The following CD53 variants were observed in gnomAD, a reference collection of about 807,000 sequenced individuals.
The protein encoded by CD53 is leukocyte surface antigen CD53.
In CD53, 20 loss-of-function variants were observed where a neutral mutation model predicts 27.3. That is an observed-to-expected ratio of 0.73 (90% CI 0.52 to 1.07). The LOEUF (loss-of-function observed/expected upper bound fraction) is 1.07, where lower values mean the gene tolerates loss of function less well. Among genes scored for constraint, CD53 ranks in the 50% least tolerant of loss-of-function variants. The pLI, the probability that CD53 is intolerant of heterozygous loss-of-function variation, is 0.00. For synonymous variants in CD53, 106 were observed against 105.3 expected (o/e 1.01, Z -0.04); for missense variants, 216 against 264.0 (o/e 0.82, Z 1.26).
intron 1 of CD53, among the ~76,000 whole-genome samples, chr1:110,881,898 A>G (rs1182054695): frequency 6.6e-6 from 1 of 152,150 alleles, no homozygotes; most frequent in African/African-American, 2.4e-5. Flanking sequence ...CTTATTTGCC[A>G]TCCATATAGT....
At chr1:110,893,865 T>G (rs1656951987) in intron 3 of CD53, among the ~76,000 whole-genome samples, 1 of 152,192 alleles carries the variant, frequency 6.6e-6, no homozygotes, top group Non-Finnish European at 1.5e-5. Context: ...GAAACAAATA[T>G]GAGTTAGAAC....
At chr1:110,878,152 G>T (rs183614615) in intron 1 of CD53, among the ~76,000 whole-genome samples, 4 of 152,162 alleles carry the variant, frequency 2.6e-5, no homozygotes, top group Non-Finnish European at 5.9e-5. Flanking sequence ...TTGTCAGGCC[G>T]ATTTGAGGAT....
chr1:110,879,013 T>C (rs1181892789), intron 1 of CD53, among the ~76,000 whole-genome samples: 1 of 152,204 alleles, frequency 6.6e-6, no homozygotes, highest in Non-Finnish European at 1.5e-5. Context: ...TTTTCTTTAT[T>C]GTTTGATTTC....
At chr1:110,889,400 A>T (rs567969128) in intron 1 of CD53, among the ~76,000 whole-genome samples, 2 of 151,976 alleles carry the variant, frequency 1.3e-5, no homozygotes, top group South Asian at 2.1e-4. Flanking sequence ...ACTAAAAAAA[A>T]ATACAAAAAT....
intron 1 of CD53, among the ~76,000 whole-genome samples, chr1:110,883,750 A>G (rs916303426): frequency 4.6e-5 from 7 of 151,920 alleles, no homozygotes; most frequent in African/African-American, 1.7e-4. Flanking sequence ...CAGGTTATCT[A>G]TTTTTTGAGT....
chr1:110,881,820 G>A (rs1421424703), intron 1 of CD53, among the ~76,000 whole-genome samples: 1 of 152,104 alleles, frequency 6.6e-6, no homozygotes, highest in Non-Finnish European at 1.5e-5. Context: ...GATGTGGAGT[G>A]GTATCTTACC....
rs564692253 is a variant in CD53 at position 110,892,427 on chromosome 1, C to G, written c.146C>G (p.Ser49Cys). 1 of 1,614,020 alleles carries G rather than the reference C, an allele frequency of 6.2e-7. No homozygotes were observed. Among genetic ancestry groups the G allele is most frequent in the South Asian group, 1.1e-5 (1 of 91,070 alleles). ...GGAGTGCTCTTCCATAACCTCCCCT[C>G]CCTCACGCTGGGCAATGTGTTTGTC... ...NFGVLFHNLP[S>C]LTLGNVFVIV... The change falls in exon 3 of 8, where the codon TCC becomes TGC. Residue 49 changes from serine to cysteine, a missense_variant. Transcript: ENST00000271324.
intron 4 of CD53, 34 bp from the exon 5 acceptor site, chr1:110,894,926 A>G: frequency 6.5e-7 from 1 of 1,537,582 alleles, no homozygotes; most frequent in Non-Finnish European, 9.0e-7. Flanking sequence ...CCTGCTTTTT[A>G]CCATGTCTCC....
Position 110,883,915 on chromosome 1 carries a change from T to C in CD53, c.-17-7477T>C, listed in dbSNP as rs1570900908. Among the ~76,000 whole-genome samples, 6 of 152,100 alleles carry C rather than the reference T, an allele frequency of 3.9e-5. 2 individuals are homozygous for C. The highest frequency in any genetic ancestry group is 3.9e-4 in the Admixed American group (6 of 15,290). On this transcript the variant is annotated intron_variant, in intron 1 of 7. Transcript: ENST00000271324. ...TAATATTGATAATCTTTGTTCTCTA[T>C]TTTAAAATTGATTACCTGTGTATAA...
chr1:110,884,076 C>G (rs1200373543), intron 1 of CD53, among the ~76,000 whole-genome samples: 2 of 151,914 alleles, frequency 1.3e-5, no homozygotes, highest in Non-Finnish European at 2.9e-5. Context: ...GTTTGTTATA[C>G]TTTTTCTAGT....
intron 1 of CD53, among the ~76,000 whole-genome samples, chr1:110,885,765 G>A (rs945592842): frequency 2.6e-5 from 4 of 151,470 alleles, no homozygotes; most frequent in Admixed American, 1.3e-4. Context: ...TCAGGAGGCT[G>A]AGGCATGAGA....
chr1:110,885,568 A>G (rs1656549691), intron 1 of CD53, among the ~76,000 whole-genome samples: 2 of 149,728 alleles, frequency 1.3e-5, no homozygotes, highest in South Asian at 4.3e-4. Context: ...CAACAACAAA[A>G]AAAGAGATTT....
At chr1:110,875,664 T>C (rs1209718333) in intron 1 of CD53, among the ~76,000 whole-genome samples, 1 of 152,082 alleles carries the variant, frequency 6.6e-6, no homozygotes, top group Non-Finnish European at 1.5e-5. Context: ...AGGAAGCTCC[T>C]AGGACCCATC....
intron 1 of CD53, among the ~76,000 whole-genome samples, 169 bp downstream of exon 1, chr1:110,873,417 C>A (rs1656021716): frequency 6.6e-6 from 1 of 152,158 alleles, no homozygotes; most frequent in African/African-American, 2.4e-5. Context: ...GTAACATCCC[C>A]AAAGGCAATC....
intron 5 of CD53, 130 bp downstream of exon 5, chr1:110,895,185 C>T: frequency 1.5e-6 from 1 of 679,812 alleles, no homozygotes; most frequent in Non-Finnish European, 2.7e-6. Flanking sequence ...AGAATAATGC[C>T]TTGGCTATCA....
intron 1 of CD53, among the ~76,000 whole-genome samples, chr1:110,875,342 C>G (rs1454722037): frequency 6.6e-6 from 1 of 152,156 alleles, no homozygotes; most frequent in Non-Finnish European, 1.5e-5. Flanking sequence ...AGGTCCAGCT[C>G]TGGGTGGGGC....
At chr1:110,871,550 A>G (rs778376333), upstream of CD53, among the ~76,000 whole-genome samples, 25 of 152,090 alleles carry the variant, frequency 1.6e-4, no homozygotes, top group Non-Finnish European at 1.2e-4. Flanking sequence ...GAGAGAGTGG[A>G]GCTCAAAGGA....
chr1:110,895,482 A>G (rs904759850), intron 5 of CD53, among the ~76,000 whole-genome samples: 9 of 152,180 alleles, frequency 5.9e-5, no homozygotes, highest in Non-Finnish European at 1.2e-4. Context: ...ACAAACGTGT[A>G]TATGTACAGC....
chr1:110,896,768 CTT>C, intron 6 of CD53, 35 bp downstream of exon 6: 1 of 1,568,728 alleles, frequency 6.4e-7, no homozygotes, highest in Admixed American at 1.7e-5. Flanking sequence ...TTATTGACCT[CTT>C]TGTTTAAATG....
Sources: allele counts gnomAD v4.1 joint callset (sites outside exome capture counted in the v4.1 genomes callset), GRCh38; gene constraint gnomAD v4.1.1; transcripts MANE v1.5; gene names NCBI Gene and HGNC (gene_info 2026-07-23, HGNC 2026-07-21).